Variants in SLIT3 observed in about 807,000 individuals in gnomAD.
SLIT3 encodes slit homolog 3 protein.
Under a neutral mutation model 184.0 loss-of-function variants are expected in SLIT3, and 68 were observed. The ratio of observed to expected loss-of-function variants is 0.37; its 90% CI spans 0.30 to 0.45. The LOEUF (loss-of-function observed/expected upper bound fraction) is 0.45, where lower values mean the gene tolerates loss of function less well. Among genes scored for constraint, SLIT3 ranks in the 20% least tolerant of loss-of-function variants. The pLI is 1.00. For missense variants in SLIT3, 1,707 were observed against 2,026.0 expected (o/e 0.84, Z 3.02); for synonymous variants, 831 against 828.6 (o/e 1.00, Z -0.05).
chr5:168,905,035 G>A (rs752899082), intron 4 of SLIT3, among the ~76,000 whole-genome samples: 9 of 152,060 alleles, frequency 5.9e-5, no homozygotes, highest in Non-Finnish European at 1.3e-4. Flanking sequence ...AAATTAGCTG[G>A]GCGTGGCAGC....
At chr5:168,927,526 A>G (rs1204166222) in intron 4 of SLIT3, among the ~76,000 whole-genome samples, 1 of 152,224 alleles carries the variant, frequency 6.6e-6, no homozygotes, top group Non-Finnish European at 1.5e-5. Flanking sequence ...TTTGCATTTT[A>G]TCACAATCAA....
chr5:168,908,662 A>G (rs1352518275), intron 4 of SLIT3, among the ~76,000 whole-genome samples: 2 of 152,174 alleles, frequency 1.3e-5, no homozygotes, highest in African/African-American at 2.4e-5. Context: ...GCAAGGGAAC[A>G]AGGCAAAGAC....
chr5:169,028,103 G>C (rs2113513096), intron 4 of SLIT3, among the ~76,000 whole-genome samples: 1 of 152,308 alleles, frequency 6.6e-6, no homozygotes, highest in Middle Eastern at 3.4e-3. Flanking sequence ...AAAGACAGAA[G>C]TGTGGCACTG....
At chr5:168,675,614 C>T (rs1226620948) in intron 32 of SLIT3, among the ~76,000 whole-genome samples, 1 of 152,180 alleles carries the variant, frequency 6.6e-6, no homozygotes, top group Non-Finnish European at 1.5e-5. Context: ...TCACTAGTTA[C>T]TTGACAAGCT....
intron 1 of SLIT3, among the ~76,000 whole-genome samples, chr5:169,298,449 A>G (rs1767581268): frequency 6.6e-6 from 1 of 152,008 alleles, no homozygotes; most frequent in South Asian, 2.1e-4. Flanking sequence ...CTTCCTACAC[A>G]CCAGGAGGAG....
chr5:169,237,122 GACTCC>G (rs1765228476), intron 3 of SLIT3, among the ~76,000 whole-genome samples: 2 of 152,148 alleles, frequency 1.3e-5, no homozygotes, highest in Non-Finnish European at 2.9e-5. Flanking sequence ...TAGTCTTACA[GACTCC>G]ACTCATTTCC....
At chr5:168,988,570 A>T (rs1755213014) in intron 4 of SLIT3, among the ~76,000 whole-genome samples, 2 of 152,170 alleles carry the variant, frequency 1.3e-5, no homozygotes, top group South Asian at 4.1e-4. Context: ...CCCTCAAAAG[A>T]GCTTCTGGGA....
intron 4 of SLIT3, among the ~76,000 whole-genome samples, chr5:169,161,761 G>T (rs1762487344): frequency 6.6e-6 from 1 of 151,792 alleles, no homozygotes; most frequent in Non-Finnish European, 1.5e-5. Flanking sequence ...GGAAGAGACA[G>T]GCCAGGTACT....
At chr5:169,196,454 C>A (rs1462760372) in intron 3 of SLIT3, among the ~76,000 whole-genome samples, 1 of 152,144 alleles carries the variant, frequency 6.6e-6, no homozygotes, top group East Asian at 1.9e-4. Flanking sequence ...TTCAGCACTG[C>A]AATAAGAGCA....
At chr5:168,878,838 C>A (rs911338965) in intron 5 of SLIT3, among the ~76,000 whole-genome samples, 1 of 151,970 alleles carries the variant, frequency 6.6e-6, no homozygotes. Flanking sequence ...CCTCAGTCTC[C>A]CGAGTAGCTG....
At chr5:169,238,896 T>G (rs763223907) in intron 3 of SLIT3, among the ~76,000 whole-genome samples, 2 of 152,194 alleles carry the variant, frequency 1.3e-5, no homozygotes, top group Non-Finnish European at 2.9e-5. Flanking sequence ...TTTTGCAGCT[T>G]TTCTCAGATT....
intron 4 of SLIT3, among the ~76,000 whole-genome samples, chr5:168,952,164 A>G (rs1022928212): frequency 6.6e-5 from 10 of 152,206 alleles, no homozygotes; most frequent in Non-Finnish European, 1.5e-4. Context: ...GGCCGCCTGT[A>G]ATATTTTAAA....
At chr5:169,268,505 G>C (rs1766479300) in intron 1 of SLIT3, among the ~76,000 whole-genome samples, 2 of 152,318 alleles carry the variant, frequency 1.3e-5, no homozygotes, top group South Asian at 4.1e-4. Context: ...CAATTTGAAT[G>C]AGATATAAAC....
chr5:169,256,329 T>A (rs552956734), intron 1 of SLIT3, among the ~76,000 whole-genome samples: 5 of 152,168 alleles, frequency 3.3e-5, no homozygotes, highest in Non-Finnish European at 7.4e-5. Context: ...GATACACAAA[T>A]ACTCACCATT....
At chr5:168,681,648 T>C (rs1416415401) in intron 32 of SLIT3, among the ~76,000 whole-genome samples, 1 of 152,152 alleles carries the variant, frequency 6.6e-6, no homozygotes, top group Non-Finnish European at 1.5e-5. Flanking sequence ...TGGACAGCAA[T>C]TCTCTGACTT....
intron 1 of SLIT3, among the ~76,000 whole-genome samples, chr5:169,269,247 G>A (rs931233901): frequency 6.6e-6 from 1 of 152,170 alleles, no homozygotes; most frequent in Non-Finnish European, 1.5e-5. Context: ...ATGACTGCAG[G>A]TCCTCCCTCT....
chr5:169,038,375 G>T (rs928204063), intron 4 of SLIT3, among the ~76,000 whole-genome samples: 7 of 152,240 alleles, frequency 4.6e-5, no homozygotes, highest in Middle Eastern at 3.4e-3. Flanking sequence ...TACACATATG[G>T]AATACATTCA....
chr5:169,109,459 C>T (rs992928793), intron 4 of SLIT3, among the ~76,000 whole-genome samples: 1 of 152,352 alleles, frequency 6.6e-6, no homozygotes, highest in East Asian at 1.9e-4. Flanking sequence ...CGTTTACAGT[C>T]CTGAGAGACC....
intron 5 of SLIT3, among the ~76,000 whole-genome samples, chr5:168,865,580 A>G (rs1759270234): frequency 6.6e-6 from 1 of 152,252 alleles, no homozygotes; most frequent in Admixed American, 6.5e-5. Context: ...GGATCCATGC[A>G]TGGGAGAGAG....
Sources: allele counts gnomAD v4.1 joint callset (sites outside exome capture counted in the v4.1 genomes callset), GRCh38; gene constraint gnomAD v4.1.1; transcripts MANE v1.5; gene names NCBI Gene and HGNC (gene_info 2026-07-23, HGNC 2026-07-21).